Variants in CENPF observed in about 807,000 individuals in gnomAD.
CENPF encodes the protein AH antigen.
CENPF carries 214 observed loss-of-function variants against 307.3 expected under a neutral mutation model. The observed-to-expected ratio is 0.70, with a 90% confidence interval of 0.62 to 0.78. The LOEUF (loss-of-function observed/expected upper bound fraction) is 0.78, where lower values mean the gene tolerates loss of function less well. Among genes scored for constraint, CENPF ranks in the 30% least tolerant of loss-of-function variants. CENPF has a pLI of 0.00. For synonymous variants in CENPF, 1,259 were observed against 1,270.6 expected (o/e 0.99, Z 0.19); for missense variants, 3,401 against 3,483.9 (o/e 0.98, Z 0.60).
chr1:214,642,198 C>T lies in CENPF; in HGVS notation c.3860C>T (p.Ala1287Val). 1 of 1,614,142 alleles carries T rather than the reference C, an allele frequency of 6.2e-7. No homozygotes were observed. The highest frequency in any genetic ancestry group is 8.5e-7 in the Non-Finnish European group (1 of 1,180,042). Residue 1287 changes from alanine to valine, a missense_variant, in exon 12 of 20, where the codon GCA becomes GTA. Physicochemically the swap from Ala to Val is moderately conservative, Grantham distance 64. Transcript: ENST00000366955. Reference protein sequence around the residue: ...HELSTSQNDNAHLQCSLQTTM... With the variant: ...HELSTSQNDNVHLQCSLQTTM... The stretch of plus-strand genomic sequence containing the variant: ...TTGTCAACAAGTCAAAACGACAATG[C>T]ACACCTTCAGTGCTCTCTGCAAACA...
In CENPF at chr1:214,629,080, CG is replaced by C. The variant is rs528051086; in HGVS notation, c.1105del (p.Glu369LysfsTer3). ...TALEQKLKKL[T>X]EDLSCQRQNA... ...TTGGAACAAAAACTGAAAAAATTGA[CG>C]GAAGATTTGAGTTGTCAGCGACAAA... On this transcript the variant is annotated frameshift_variant, in exon 8 of 20. Transcript: ENST00000366955. LOFTEE classifies it high-confidence loss of function. 2 of 1,608,690 alleles carry C rather than the reference CG, an allele frequency of 1.2e-6. No homozygotes were observed. The highest frequency in any genetic ancestry group is 8.5e-7 in the Non-Finnish European group (1 of 1,177,548).
At position 214,639,962 on chromosome 1, in the gene CENPF, GA is replaced by G. The variant is rs1553288555; in HGVS notation, c.1630del (p.Ile544Ter). 1.9e-6 allele frequency: 3 copies of G among 1,562,418 alleles called. No homozygotes were observed. Among genetic ancestry groups the G allele is most frequent in the South Asian group, 1.2e-5 (1 of 82,104 alleles). Reference protein sequence around the residue: ...SQETMLRDLQEKINQQENSLT... With the variant: ...SQETMLRDLQXKINQQENSLT... ...GGAAACCATGTTAAGAGATCTTCAA[GA>G]AAAAATAAATCAGCAAGAAAACTCC... On this transcript the variant is annotated frameshift_variant, in exon 12 of 20. Coordinates refer to ENST00000366955, the MANE Select transcript of CENPF (RefSeq NM_016343.4). LOFTEE classifies it high-confidence loss of function.
chr1:214,632,535 T>C lies in CENPF; in HGVS notation c.1379T>C (p.Leu460Ser), dbSNP rs200286242. ...ENNLEEFKQK[L>S]CRAEQAFQAS... is the part of the protein sequence containing the mutation. ...AATTTGGAAGAGTTTAAGCAAAAGT[T>C]GTGCAGAGCTGAACAGGCGTTCCAG... Residue 460 changes from leucine (L) to serine (S), a missense_variant, in exon 10 of 20, where the codon TTG (leucine) becomes TCG (serine). By Grantham distance (145) the Leu-to-Ser change is moderately radical. Coordinates refer to ENST00000366955, the MANE Select transcript of CENPF (RefSeq NM_016343.4). The C allele has an allele frequency of 1.2e-6, 2 of 1,614,094 alleles. No individual in the cohort carries two copies. Among genetic ancestry groups the C allele is most frequent in the Non-Finnish European group, 1.7e-6 (2 of 1,179,978 alleles).
rs776194098 is a variant in CENPF at position 214,618,738 on chromosome 1, T to C, written c.481+44T>C. On this transcript the variant is annotated intron_variant, in intron 4 of 19. Coordinates refer to ENST00000366955, the MANE Select transcript of CENPF (RefSeq NM_016343.4). ...TGGTATAGACAGCTTTTTGTTTAGC[T>C]TGAGATTTTAATTCTGCAAAATAAA... 5 of 1,560,348 alleles carry C rather than the reference T, an allele frequency of 3.2e-6. No individual in the cohort carries two copies. The African/African-American group carries it at 4.1e-5, about 13-fold the overall frequency.
intron 1 of CENPF, among the ~76,000 whole-genome samples, chr1:214,604,720 G>A (rs1656978109): frequency 6.6e-6 from 1 of 152,170 alleles, no homozygotes; most frequent in Non-Finnish European, 1.5e-5. Context: ...AAACTAGATT[G>A]GAATGGAGGA....
chr1:214,661,778 A>G (rs938390830), intron 19 of CENPF, among the ~76,000 whole-genome samples: 1 of 151,630 alleles, frequency 6.6e-6, no homozygotes, highest in East Asian at 1.9e-4. Flanking sequence ...ATTTTTTCCT[A>G]CTTGTGAGGG....
chr1:214,625,795 G>T (rs904342253), intron 7 of CENPF, among the ~76,000 whole-genome samples: 2 of 152,038 alleles, frequency 1.3e-5, no homozygotes, highest in African/African-American at 2.4e-5. Flanking sequence ...ATCACAGTCT[G>T]TTGGTGTCTT....
chr1:214,611,818 T>C (rs1247366262), intron 1 of CENPF, among the ~76,000 whole-genome samples: 5 of 152,240 alleles, frequency 3.3e-5, no homozygotes, highest in African/African-American at 1.2e-4. Flanking sequence ...GTGATTTTTG[T>C]ATATTGATTT....
chr1:214,624,347 T>G (rs1032563504), intron 7 of CENPF, among the ~76,000 whole-genome samples: 2 of 152,024 alleles, frequency 1.3e-5, no homozygotes, highest in Non-Finnish European at 2.9e-5. Context: ...TGTGTAGAAT[T>G]TTTTTTTCTT....
rs200761315 is a variant in CENPF, at chr1:214,618,542, T to C, written c.360-31T>C. On this transcript the variant is annotated intron_variant, in intron 3 of 19. Transcript: ENST00000366955. Reference sequence around the variant, plus strand: ...ATTCTGTAGCCTTTGCTCTAACTGATTTGTCTGCCTCTTGGGTCCTTTTCT... The same window carrying C: ...ATTCTGTAGCCTTTGCTCTAACTGACTTGTCTGCCTCTTGGGTCCTTTTCT... 1.2e-4 allele frequency: 189 copies of C among 1,611,014 alleles called. 1 individual carries two copies. The highest frequency in any genetic ancestry group is 8.0e-5 in the Non-Finnish European group (94 of 1,179,068).
chr1:214,648,799 T>C lies in CENPF; in HGVS notation c.7955T>C (p.Leu2652Ser). The C allele has an allele frequency of 6.2e-7, 1 of 1,613,874 alleles. No homozygotes were observed. Among genetic ancestry groups the C allele is most frequent in the Non-Finnish European group, 8.5e-7 (1 of 1,179,886 alleles). Residue 2652 changes from leucine to serine, a missense_variant, in exon 14 of 20, where the codon TTA (leucine) becomes TCA (serine). By Grantham distance (145) the Leu-to-Ser change is moderately radical. Transcript: ENST00000366955. ...EKNRLAGELQ[L>S]LLEEIKSSKD... ...AATAGGCTAGCTGGAGAGTTGCAGT[T>C]ACTGTTGGAAGAAATAAAGAGCAGC... is the stretch of plus-strand genomic sequence containing the variant.
intron 8 of CENPF, among the ~76,000 whole-genome samples, chr1:214,629,448 A>G (rs1216680249): frequency 2.0e-5 from 3 of 152,128 alleles, no homozygotes; most frequent in South Asian, 2.1e-4. Flanking sequence ...GGAAAGGATC[A>G]CTTTTCTTCT....
chr1:214,613,689 C>T lies in CENPF; in HGVS notation c.-41-25C>T, dbSNP rs543248193. The T allele has an allele frequency of 2.8e-6, 4 of 1,445,684 alleles. No individual in the cohort carries two copies. In the Admixed American group the frequency reaches 9.3e-5, roughly 34 times the overall value. The allele number at this position is 1,445,684 out of a possible 1,614,324, so 89.6% of individuals were successfully genotyped here. A position where few individuals can be genotyped will look rare whatever the true frequency, so the allele number is the denominator to read the frequency against. ...TTTGTTTCCTTTTACTGTGGTAAGA[C>T]CAACAGTCTGGTTATTCTTTTCAGT... On this transcript the variant is annotated intron_variant, in intron 1 of 19. Transcript: ENST00000366955.
Position 214,664,308 on chromosome 1 carries a change from G to A in CENPF, c.*514G>A, listed in dbSNP as rs1658862916. 1 of 154,912 alleles carries A rather than the reference G, an allele frequency of 6.5e-6. No individual in the cohort carries two copies. Among genetic ancestry groups the A allele is most frequent in the Admixed American group, 6.4e-5 (1 of 15,722 alleles). 9.6% of individuals were successfully genotyped at this position (154,912 alleles called of 1,614,324 possible). ...AAGGAAAATGTGCACACATATACAT[G>A]TAGGAGTGTTTATCTTTCTCTTACA... On this transcript the variant is annotated 3_prime_UTR_variant, in exon 20 of 20. Transcript: ENST00000366955.
rs61732049 is a variant in CENPF at position 214,619,209 on chromosome 1, T to C, written c.562T>C (p.Leu188=). The C allele has an allele frequency of 6.5e-4, 1,016 of 1,555,162 alleles. 7 individuals carry two copies. The African/African-American group carries it at 0.013, about 20-fold the overall frequency. Residue 188 remains leucine, a synonymous_variant, in exon 5 of 20, where the codon TTG becomes CTG. Coordinates refer to ENST00000366955, the MANE Select transcript of CENPF (RefSeq NM_016343.4). ...AAGATTAGAGGCAGAGGTTAAAGCC[T>C]TGCAGGCTAAAGTAAGTTAATTATG... ...RKRLEAEVKA[L]QAKKASQTLP... is the part of the protein sequence containing the mutation.
At position 214,620,867 on chromosome 1, in the gene CENPF, GAA is replaced by G. The variant is rs1474523856; in HGVS notation, c.789_790del (p.Asp265CysfsTer2). ...TPSRSTLQIG[K>X]RDANSSFFDN... ...CAAGTCGATCAACTTTGCAAATAGG[GAA>G]AAGAGATGCTAATAGCAGTTTCTTT... On this transcript the variant is annotated frameshift_variant, in exon 6 of 20. Transcript: ENST00000366955. LOFTEE classifies it high-confidence loss of function. 6.2e-7 allele frequency: 1 copy of G among 1,614,154 alleles called. No individual in the cohort carries two copies. Among genetic ancestry groups the G allele is most frequent in the Non-Finnish European group, 8.5e-7 (1 of 1,180,014 alleles).
At position 214,642,345 on chromosome 1, in the gene CENPF, C is replaced by A; in HGVS notation, c.4007C>A (p.Ala1336Glu). The A allele has an allele frequency of 6.2e-7, 1 of 1,613,406 alleles. No homozygotes were observed. Among genetic ancestry groups the A allele is most frequent in the Non-Finnish European group, 8.5e-7 (1 of 1,179,820 alleles). ...TGTATCACAGCAACTAGGAAAATGG[C>A]AGAAGAGGTAGGGAAACTACTAAAT... is the stretch of plus-strand genomic sequence containing the variant. ...SECITATRKM[A>E]EEVGKLLNEV... Residue 1336 changes from alanine to glutamate, a missense_variant, in exon 12 of 20, where the codon GCA (alanine) becomes GAA (glutamate). Coordinates refer to ENST00000366955, the MANE Select transcript of CENPF (RefSeq NM_016343.4).
chr1:214,654,773 T>A (rs1658585541), intron 16 of CENPF, among the ~76,000 whole-genome samples: 1 of 152,194 alleles, frequency 6.6e-6, no homozygotes, highest in African/African-American at 2.4e-5. Flanking sequence ...CAATGAAATT[T>A]AAATTTGTAT....
intron 19 of CENPF, among the ~76,000 whole-genome samples, chr1:214,660,912 G>T (rs538762600): frequency 6.6e-6 from 1 of 152,206 alleles, no homozygotes; most frequent in Non-Finnish European, 1.5e-5. Context: ...TTCACTGAAT[G>T]AATGGAACTG....
Sources: allele counts gnomAD v4.1 joint callset (sites outside exome capture counted in the v4.1 genomes callset), GRCh38; gene constraint gnomAD v4.1.1; transcripts MANE v1.5; gene names NCBI Gene and HGNC (gene_info 2026-07-23, HGNC 2026-07-21).